The following ESR1 variants were observed in gnomAD, a reference collection of about 807,000 sequenced individuals.
The protein encoded by ESR1 is estrogen receptor.
In ESR1, 12 loss-of-function variants were observed where a neutral mutation model predicts 52.7. That is an observed-to-expected ratio of 0.23 (90% CI 0.15 to 0.37). The LOEUF (loss-of-function observed/expected upper bound fraction) is 0.37. Among genes scored for constraint, ESR1 ranks in the 10% least tolerant of loss-of-function variants. The pLI, the probability that ESR1 is intolerant of heterozygous loss-of-function variation, is 1.00. For missense variants in ESR1, 584 were observed against 779.7 expected, an observed-to-expected ratio of 0.75 and a Z score of 2.99; for synonymous variants, 305 against 316.8, an observed-to-expected ratio of 0.96 and a Z score of 0.39.
chr6:152,103,590 G>T (rs60181221), downstream of ESR1, among the ~76,000 whole-genome samples: 528 of 152,340 alleles, frequency 3.5e-3, 5 homozygotes, highest in African/African-American at 0.012. Context: ...CACGATGGTG[G>T]TGAGGACTAA....
At chr6:151,720,095 C>T (rs765945256) in intron 2 of ESR1, among the ~76,000 whole-genome samples, 35 of 152,162 alleles carry the variant, frequency 2.3e-4, no homozygotes, top group Non-Finnish European at 4.3e-4. Flanking sequence ...TCCATTGGCT[C>T]ACTTTTTTTT....
chr6:151,669,193 GAATCC>G (rs1777958811), intron 1 of ESR1, among the ~76,000 whole-genome samples: 3 of 49,062 alleles, frequency 6.1e-5, no homozygotes, highest in African/African-American at 1.1e-4. Context: ...AGAGAGATGG[GAATCC>G]AGGGGAGAAC....
intron 4 of ESR1, among the ~76,000 whole-genome samples, chr6:151,944,779 G>A (rs565110061): frequency 6.6e-6 from 1 of 152,206 alleles, no homozygotes; most frequent in Non-Finnish European, 1.5e-5. Flanking sequence ...AAGATTTAGG[G>A]TGGACACTAC....
At chr6:152,013,173 T>C (rs2042916507) in intron 5 of ESR1, among the ~76,000 whole-genome samples, 1 of 152,178 alleles carries the variant, frequency 6.6e-6, no homozygotes, top group African/African-American at 2.4e-5. Flanking sequence ...GTTCTTTCCT[T>C]TCCATTCCTT....
intron 6 of ESR1, among the ~76,000 whole-genome samples, chr6:152,082,808 G>A (rs2049341970): frequency 1.3e-5 from 2 of 152,086 alleles, no homozygotes; most frequent in African/African-American, 4.8e-5. Context: ...AGGCATTCCT[G>A]TACACCAATA....
rs532963709 is a variant in ESR1, at chr6:152,011,977, T to C, written c.1235+183T>C. Among the ~76,000 whole-genome samples the C allele has an allele frequency of 2.7e-4, 41 of 150,900 alleles. No individual in the cohort carries two copies. In the East Asian group the frequency reaches 7.5e-3, roughly 28 times the overall value. ...ATTCACAGAAAGCTAAGGATAACTT[T>C]CTGCTAGACATTACCTCAGAAGAAT... On this transcript the variant is annotated intron_variant, in intron 5 of 7. Transcript: ENST00000206249.
intron 2 of ESR1, among the ~76,000 whole-genome samples, chr6:151,760,073 C>G (rs191312861): frequency 1.3e-5 from 2 of 152,164 alleles, no homozygotes; most frequent in African/African-American, 4.8e-5. Context: ...CAGGGATCAC[C>G]TTATCATGGA....
chr6:152,012,052 ACTCTCT>A lies in ESR1; in HGVS notation c.1235+273_1235+278del, dbSNP rs149855024. Among the ~76,000 whole-genome samples the A allele has an allele frequency of 2.8e-4, 40 of 143,452 alleles. No individual in the cohort carries two copies. The East Asian group carries it at 6.4e-3, about 23-fold the overall frequency. The allele number at this position is 143,452 out of a possible 152,430, so 94.1% of individuals were successfully genotyped here. ...CACACACACACACACACACACTCAC[ACTCTCT>A]CTCTCTCTCTCTCTGTCATTATGAA... On this transcript the variant is annotated intron_variant, in intron 5 of 7. Transcript: ENST00000206249.
chr6:151,887,040 CA>C (rs11316986), intron 3 of ESR1, among the ~76,000 whole-genome samples: 14,987 of 90,696 alleles, frequency 0.17, 1,314 homozygotes, highest in African/African-American at 0.31. Context: ...GACTCCATCT[CA>C]AAAAAAAAAA....
At chr6:151,901,534 T>TGGCCACCC (rs1307330947) in intron 3 of ESR1, among the ~76,000 whole-genome samples, 4 of 152,212 alleles carry the variant, frequency 2.6e-5, no homozygotes, top group Non-Finnish European at 4.4e-5. Flanking sequence ...CCAGTTCCTC[T>TGGCCACCC]GGCCACCCTC....
chr6:151,898,903 T>A (rs1193940855), intron 3 of ESR1, among the ~76,000 whole-genome samples: 1 of 152,128 alleles, frequency 6.6e-6, no homozygotes, highest in Non-Finnish European at 1.5e-5. Flanking sequence ...CCGTTCTCAA[T>A]GAGCTGTTGG....
At chr6:151,812,827 A>C (rs541219325) in intron 1 of ESR1, among the ~76,000 whole-genome samples, 1 of 152,336 alleles carries the variant, frequency 6.6e-6, no homozygotes, top group South Asian at 2.1e-4. Flanking sequence ...AAGATGCTCT[A>C]TTAATCCAAA....
At chr6:152,107,464 T>C (rs1021855054), downstream of ESR1, among the ~76,000 whole-genome samples, 1 of 152,196 alleles carries the variant, frequency 6.6e-6, no homozygotes, top group Admixed American at 6.5e-5. Context: ...TTAAAACTTA[T>C]TTCTGTCTCT....
chr6:151,829,372 T>C (rs1424168517), intron 1 of ESR1, among the ~76,000 whole-genome samples: 1 of 152,260 alleles, frequency 6.6e-6, no homozygotes, highest in Non-Finnish European at 1.5e-5. Flanking sequence ...TTCCTTCCTT[T>C]CCTTTAGTTT....
At chr6:152,087,886 A>G (rs561015988) in intron 6 of ESR1, among the ~76,000 whole-genome samples, 3 of 152,286 alleles carry the variant, frequency 2.0e-5, no homozygotes, top group East Asian at 1.9e-4. Context: ...TCAGCTTCCA[A>G]TCATCAGGTT....
At chr6:151,707,953 A>G (rs1031825765) in intron 2 of ESR1, among the ~76,000 whole-genome samples, 1 of 151,944 alleles carries the variant, frequency 6.6e-6, no homozygotes, top group African/African-American at 2.4e-5. Context: ...TGCCATGCAT[A>G]TTTCTATTAT....
intron 1 of ESR1, among the ~76,000 whole-genome samples, chr6:151,697,281 A>C (rs191093262): frequency 1.8e-3 from 277 of 152,324 alleles, no homozygotes; most frequent in Non-Finnish European, 3.4e-3. Context: ...ATGATTGTTT[A>C]TGGTTGTAAA....
At chr6:152,121,971 T>C (rs578083197) in intron 6 of ESR1, 2 of 167,442 alleles carry the variant, frequency 1.2e-5, no homozygotes, top group East Asian at 1.5e-4. Flanking sequence ...TTAAAAATTG[T>C]ATGTTACAAG....
chr6:151,761,140 T>C (rs2128096363), intron 2 of ESR1, among the ~76,000 whole-genome samples: 1 of 152,010 alleles, frequency 6.6e-6, no homozygotes, highest in African/African-American at 2.4e-5. Context: ...CACTACTAAT[T>C]ATTCAACACA....
Sources: gnomAD v4.1 joint callset for allele counts (sites outside exome capture counted in the v4.1 genomes callset) on GRCh38, gnomAD v4.1.1 for gene constraint, MANE v1.5 for transcripts, NCBI Gene and HGNC (gene_info 2026-07-23, HGNC 2026-07-21) for gene names.